The following CTNND2 variants were observed in gnomAD, a reference collection of about 807,000 sequenced individuals.
CTNND2 encodes the protein catenin delta 2.
Under a neutral mutation model 144.4 loss-of-function variants are expected in CTNND2, and 22 were observed. The observed-to-expected ratio is 0.15, with a 90% confidence interval of 0.11 to 0.22. The LOEUF (loss-of-function observed/expected upper bound fraction) is 0.22. Ranked by LOEUF, CTNND2 falls within the 10% of genes least tolerant of loss-of-function variation. The probability of loss-of-function intolerance (pLI) is 1.00; values close to 1 mark genes in which losing one functional copy is unlikely to be tolerated. For synonymous variants in CTNND2, 751 were observed against 695.6 expected (o/e 1.08, Z -1.25); for missense variants, 1,353 against 1,618.8 (o/e 0.84, Z 2.82).
At chr5:11,342,888 T>G (rs1054326745) in intron 9 of CTNND2, among the ~76,000 whole-genome samples, 7 of 152,346 alleles carry the variant, frequency 4.6e-5, no homozygotes, top group Non-Finnish European at 8.8e-5. Context: ...CAATAGCTGG[T>G]GTAGTACCTA....
At position 11,399,241 on chromosome 5, in the gene CTNND2, C is replaced by A. The variant is rs749821295; in HGVS notation, c.440-2038G>T. Among the ~76,000 whole-genome samples the A allele has an allele frequency of 2.0e-5, 3 of 152,120 alleles. No homozygotes were observed. In the East Asian group the frequency reaches 5.8e-4, roughly 29 times the overall value. On this transcript the variant is annotated intron_variant, in intron 5 of 21. Coordinates refer to ENST00000304623, the MANE Select transcript of CTNND2 (RefSeq NM_001332.4). ...CTTGTACTGGCCAGCCTCTCCTCCC[C>A]CCTTGAGATAGTAATGCATCCTAAG...
chr5:11,427,322 C>T (rs991122312), intron 3 of CTNND2, among the ~76,000 whole-genome samples: 18 of 147,070 alleles, frequency 1.2e-4, no homozygotes, highest in African/African-American at 4.1e-4. Flanking sequence ...CTGTCACCCA[C>T]GCTGAAGTGC....
At chr5:11,034,265 G>A (rs1419394612) in intron 16 of CTNND2, among the ~76,000 whole-genome samples, 2 of 152,092 alleles carry the variant, frequency 1.3e-5, no homozygotes, top group Non-Finnish European at 2.9e-5. Flanking sequence ...CCAATTCTAG[G>A]TTTATTAAAC....
chr5:11,029,043 T>C (rs1162962702), intron 16 of CTNND2, among the ~76,000 whole-genome samples: 1 of 152,246 alleles, frequency 6.6e-6, no homozygotes, highest in African/African-American at 2.4e-5. Context: ...AATATTCCAT[T>C]GCATGTATAT....
At chr5:11,834,730 A>T (rs185618901) in intron 1 of CTNND2, among the ~76,000 whole-genome samples, 3 of 152,344 alleles carry the variant, frequency 2.0e-5, no homozygotes, top group Non-Finnish European at 4.4e-5. Flanking sequence ...CACTGAAGAA[A>T]CTAGAACTAC....
intron 2 of CTNND2, among the ~76,000 whole-genome samples, chr5:11,716,383 A>G (rs1786353373): frequency 6.6e-6 from 1 of 152,226 alleles, no homozygotes; most frequent in South Asian, 2.1e-4. Context: ...TATGTTATCA[A>G]AAAGGTCAAA....
At chr5:11,202,899 G>A (rs1043575905) in intron 10 of CTNND2, among the ~76,000 whole-genome samples, 2 of 152,072 alleles carry the variant, frequency 1.3e-5, no homozygotes, top group African/African-American at 4.8e-5. Context: ...CCTCCTCCCG[G>A]GTTCAAGCAA....
At chr5:11,490,190 T>A (rs1769260840) in intron 3 of CTNND2, among the ~76,000 whole-genome samples, 1 of 152,168 alleles carries the variant, frequency 6.6e-6, no homozygotes, top group Admixed American at 6.5e-5. Context: ...TGAGATTTTT[T>A]AAAATTTTCA....
chr5:11,143,614 C>G (rs1756954777), intron 12 of CTNND2, among the ~76,000 whole-genome samples: 1 of 152,210 alleles, frequency 6.6e-6, no homozygotes, highest in African/African-American at 2.4e-5. Context: ...TTCATCTAAA[C>G]TAACTTTATC....
At chr5:11,027,859 G>A (rs567959040) in intron 16 of CTNND2, among the ~76,000 whole-genome samples, 3 of 152,288 alleles carry the variant, frequency 2.0e-5, no homozygotes, top group African/African-American at 7.2e-5. Context: ...GAAAGGAGCT[G>A]GTGGGGATTT....
chr5:10,987,732 C>G (rs1336403498), intron 20 of CTNND2, among the ~76,000 whole-genome samples: 5 of 135,848 alleles, frequency 3.7e-5, no homozygotes, highest in Admixed American at 7.6e-5. Flanking sequence ...CTTCCACCTT[C>G]TTTTCAGTTC....
chr5:11,042,267 T>C (rs1744758472), intron 16 of CTNND2, among the ~76,000 whole-genome samples: 1 of 152,168 alleles, frequency 6.6e-6, no homozygotes, highest in African/African-American at 2.4e-5. Context: ...AAAGAAAAAC[T>C]CTTACTATGA....
chr5:10,996,120 T>A (rs1486618019), intron 18 of CTNND2, among the ~76,000 whole-genome samples: 1 of 152,008 alleles, frequency 6.6e-6, no homozygotes, highest in Non-Finnish European at 1.5e-5. Context: ...AGCTGACTGG[T>A]CAGCATCCGT....
At chr5:10,983,504 C>A (rs529859974) in intron 20 of CTNND2, among the ~76,000 whole-genome samples, 2 of 152,200 alleles carry the variant, frequency 1.3e-5, no homozygotes, top group Non-Finnish European at 2.9e-5. Context: ...GAGTTCACTA[C>A]AGCTGTGCAA....
chr5:11,028,461 C>T (rs1743093622), intron 16 of CTNND2, among the ~76,000 whole-genome samples: 1 of 152,108 alleles, frequency 6.6e-6, no homozygotes, highest in African/African-American at 2.4e-5. Flanking sequence ...TATCATTCTA[C>T]AATCATATAT....
At chr5:11,333,433 T>A (rs1753386169) in intron 9 of CTNND2, among the ~76,000 whole-genome samples, 1 of 152,108 alleles carries the variant, frequency 6.6e-6, no homozygotes, top group Non-Finnish European at 1.5e-5. Flanking sequence ...CCAGCTAATT[T>A]TTGTATTATT....
chr5:11,641,746 GTGTGTA>G (rs1561648929), intron 2 of CTNND2, among the ~76,000 whole-genome samples: 39 of 3,358 alleles, frequency 0.012, 2 homozygotes, highest in African/African-American at 0.03. Context: ...ATACATATAC[GTGTGTA>G]TGTACATACA....
At chr5:11,219,036 T>A (rs886397473) in intron 10 of CTNND2, among the ~76,000 whole-genome samples, 6 of 152,328 alleles carry the variant, frequency 3.9e-5, no homozygotes, top group South Asian at 4.1e-4. Flanking sequence ...TTCCTTTCTC[T>A]CTCTGAGCAG....
intron 5 of CTNND2, among the ~76,000 whole-genome samples, chr5:11,403,301 T>C (rs1008373794): frequency 5.9e-5 from 9 of 152,156 alleles, no homozygotes; most frequent in South Asian, 2.1e-4. Flanking sequence ...GAACATGCAG[T>C]GTTTGGTTTT....
Sources: allele counts gnomAD v4.1 joint callset (sites outside exome capture counted in the v4.1 genomes callset), GRCh38; gene constraint gnomAD v4.1.1; transcripts MANE v1.5; gene names NCBI Gene and HGNC (gene_info 2026-07-23, HGNC 2026-07-21).